Variants in FARP2 observed in about 807,000 individuals in gnomAD.
FARP2 encodes the protein FERM, ARH/RhoGEF and pleckstrin domain protein 2.
In FARP2, 111 loss-of-function variants were observed where a neutral mutation model predicts 130.5. The ratio of observed to expected loss-of-function variants is 0.85; its 90% confidence interval spans 0.73 to 1.00. The LOEUF is 1.00. Among genes scored for constraint, FARP2 ranks in the 50% least tolerant of loss-of-function variants. The pLI, the probability that FARP2 is intolerant of heterozygous loss-of-function variation, is 0.00. For synonymous variants in FARP2, 504 were observed against 516.9 expected (o/e 0.98, Z 0.34); for missense variants, 1,385 against 1,346.3 (o/e 1.03, Z -0.45).
intron 21 of FARP2, among the ~76,000 whole-genome samples, chr2:241,485,819 G>A (rs370717322): frequency 2.0e-4 from 28 of 140,154 alleles, no homozygotes; most frequent in African/African-American, 7.5e-4. Flanking sequence ...CCCCAGTAGG[G>A]TCCTCCTTCC....
intron 17 of FARP2, chr2:241,466,580 A>T: frequency 1.0e-6 from 1 of 985,240 alleles, no homozygotes; most frequent in Non-Finnish European, 1.2e-6. Context: ...AAGCCTAGCG[A>T]GTGTGGATGC....
chr2:241,411,022 C>T lies in FARP2; in HGVS notation c.411-11C>T, dbSNP rs774512358. Reference sequence around the variant, plus strand: ...GAATTGATCTCTGTCTTATTTTGAACTCTCTTCTAGATACTTGTTTGCCTT... The same window carrying T: ...GAATTGATCTCTGTCTTATTTTGAATTCTCTTCTAGATACTTGTTTGCCTT... On this transcript the variant is annotated splice_polypyrimidine_tract_variant and intron_variant, in intron 5 of 26. Transcript: ENST00000264042. The T allele has an allele frequency of 6.4e-7, 1 of 1,571,682 alleles. No individual in the cohort carries two copies. Among genetic ancestry groups the T allele is most frequent in the Non-Finnish European group, 8.7e-7 (1 of 1,145,662 alleles).
chr2:241,439,061 C>G (rs1202950496), intron 12 of FARP2, among the ~76,000 whole-genome samples: 1 of 151,636 alleles, frequency 6.6e-6, no homozygotes, highest in Non-Finnish European at 1.5e-5. Flanking sequence ...GGGTCTCACT[C>G]TATCATCTCG....
chr2:241,441,753 TG>T (rs748724770), intron 13 of FARP2, 197 bp downstream of exon 13: 12 of 808,912 alleles, frequency 1.5e-5, no homozygotes, highest in South Asian at 6.9e-5. Flanking sequence ...GGCAGTGTCG[TG>T]GGGGGGCCCC....
rs755456810 is a variant in FARP2, at chr2:241,413,299, T to C, written c.509-8T>C. Reference sequence around the variant, plus strand: ...AAAAATTAGTTACTTACTTTTAACCTATCTCAGCGGAAATAGGAGATTACG... The same window carrying C: ...AAAAATTAGTTACTTACTTTTAACCCATCTCAGCGGAAATAGGAGATTACG... On this transcript the variant is annotated splice_region_variant and splice_polypyrimidine_tract_variant and intron_variant, in intron 6 of 26. Coordinates refer to ENST00000264042, the MANE Select transcript of FARP2 (RefSeq NM_014808.4). 9.5e-6 allele frequency: 15 copies of C among 1,572,432 alleles called. No homozygotes were observed. Among genetic ancestry groups the C allele is most frequent in the Admixed American group, 3.5e-5 (2 of 57,204 alleles).
In FARP2 at chr2:241,494,833, A is replaced by G. The variant is rs1463825428; in HGVS notation, c.*708A>G. 3 of 152,164 alleles carry G rather than the reference A, an allele frequency of 2.0e-5. No individual in the cohort carries two copies. The highest frequency in any genetic ancestry group is 7.2e-5 in the African/African-American group (3 of 41,430). The allele number at this position is 152,164 out of a possible 1,614,324, so 9.4% of individuals were successfully genotyped here. A position where few individuals can be genotyped will look rare whatever the true frequency, so the allele number is the denominator to read the frequency against. On this transcript the variant is annotated 3_prime_UTR_variant, in exon 27 of 27. Transcript: ENST00000264042. This position sits in a 1 kb window ranked among gnomAD's most constrained non-coding sequence, Gnocchi z 4.9. ...ATTTGATTAAAAATAAACAAACAGC[A>G]TCTCCCCACCTGCATTCTCCTCTGC...
intron 8 of FARP2, among the ~76,000 whole-genome samples, chr2:241,430,063 A>G (rs1347365356): frequency 6.6e-6 from 1 of 152,208 alleles, no homozygotes; most frequent in Non-Finnish European, 1.5e-5. Context: ...TACTACTGGA[A>G]GGAAGAGTTT....
intron 11 of FARP2, among the ~76,000 whole-genome samples, chr2:241,436,011 C>CA (rs2063221057): frequency 7.0e-6 from 1 of 142,704 alleles, no homozygotes; most frequent in South Asian, 2.2e-4. Flanking sequence ...CTCCTGGGTT[C>CA]ACGCCATTCT....
chr2:241,367,742 G>C (rs551697594), intron 1 of FARP2, among the ~76,000 whole-genome samples: 66 of 152,076 alleles, frequency 4.3e-4, no homozygotes, highest in Non-Finnish European at 2.8e-4. Flanking sequence ...ACCCGTTACT[G>C]TGGATGGTGG....
At position 241,403,836 on chromosome 2, in the gene FARP2, C is replaced by A. The variant is rs766643383; in HGVS notation, c.192C>A (p.Cys64Ter). ...CATCTCTCTCTGCACAGCCTAAATGCGATGGCCAGGTATTACTGACACAAG... is the reference window on the plus strand; with the variant it reads ...CATCTCTCTCTGCACAGCCTAAATGAGATGGCCAGGTATTACTGACACAAG... Reference protein sequence around the residue: ...TMEIFDIEPKCDGQVLLTQVW... With the variant: ...TMEIFDIEPK Residue 64 changes from cysteine to a stop codon, truncating the protein, a stop_gained, in exon 3 of 27, where the codon TGC (cysteine) becomes TGA (stop). Transcript: ENST00000264042. LOFTEE classifies it high-confidence loss of function. The A allele has an allele frequency of 2.5e-6, 4 of 1,609,210 alleles. No homozygotes were observed. The highest frequency in any genetic ancestry group is 3.4e-6 in the Non-Finnish European group (4 of 1,175,642).
intron 14 of FARP2, among the ~76,000 whole-genome samples, chr2:241,460,291 CT>C (rs1183226706): frequency 6.6e-6 from 1 of 152,090 alleles, no homozygotes; most frequent in Non-Finnish European, 1.5e-5. Flanking sequence ...GAAATGACTT[CT>C]TTTTTTAGAG....
chr2:241,466,139 G>T (rs2064162268), intron 17 of FARP2: 1 of 1,067,724 alleles, frequency 9.4e-7, no homozygotes, highest in African/African-American at 1.7e-5. Context: ...AACCAAATCT[G>T]GGTGTCAGAG....
chr2:241,389,978 C>T (rs955557588), intron 2 of FARP2, among the ~76,000 whole-genome samples: 7 of 152,150 alleles, frequency 4.6e-5, no homozygotes, highest in Non-Finnish European at 5.9e-5. Flanking sequence ...TGGTCTATCA[C>T]CTCTGCTCTT....
intron 9 of FARP2, among the ~76,000 whole-genome samples, chr2:241,432,940 G>A (rs1463399866): frequency 6.6e-6 from 1 of 152,158 alleles, no homozygotes; most frequent in Non-Finnish European, 1.5e-5. Context: ...CCTTTAAAAG[G>A]CACTTGAGTA....
chr2:241,444,561 G>C (rs951417179), intron 13 of FARP2: 4 of 152,220 alleles, frequency 2.6e-5, no homozygotes, highest in African/African-American at 9.7e-5. Flanking sequence ...TGGGGCAGGG[G>C]TGGCCGCTCC....
chr2:241,370,584 G>A (rs564184029), intron 1 of FARP2, among the ~76,000 whole-genome samples: 1 of 152,154 alleles, frequency 6.6e-6, no homozygotes, highest in African/African-American at 2.4e-5. Context: ...CCATAAACAT[G>A]TACAATTATG....
At chr2:241,399,763 G>A (rs2062120921) in intron 2 of FARP2, among the ~76,000 whole-genome samples, 1 of 152,106 alleles carries the variant, frequency 6.6e-6, no homozygotes, top group East Asian at 1.9e-4. Context: ...TTTGTGTCCT[G>A]TTTGAGAAAT....
At chr2:241,466,039 C>G (rs2064159698) in intron 17 of FARP2, 5 of 1,266,334 alleles carry the variant, frequency 3.9e-6, no homozygotes, top group Non-Finnish European at 5.0e-6. Flanking sequence ...GATTATCATA[C>G]TGTAGTCATC....
intron 3 of FARP2, 94 bp from the exon 4 acceptor site, chr2:241,404,705 T>G (rs2062284998): frequency 1.1e-6 from 1 of 948,716 alleles, no homozygotes; most frequent in Non-Finnish European, 1.6e-6. Context: ...ACATAAAAAT[T>G]TATCTTATTA....
Sources: gnomAD v4.1 joint callset for allele counts (sites outside exome capture counted in the v4.1 genomes callset) on GRCh38, gnomAD v4.1.1 for gene constraint, Gnocchi (gnomAD v3.1) non-coding constraint, MANE v1.5 for transcripts, NCBI Gene and HGNC (gene_info 2026-07-23, HGNC 2026-07-21) for gene names.